IPMK: variants seen among roughly 807,000 people sequenced by gnomAD.
The protein encoded by IPMK is inositol polyphosphate multikinase.
A neutral mutation model predicts 45.8 loss-of-function variants in IPMK; 17 were observed. The ratio of observed to expected loss-of-function variants is 0.37; its 90% CI spans 0.25 to 0.56. IPMK has a LOEUF of 0.56. Ranked by LOEUF, IPMK falls within the 20% of genes least tolerant of loss-of-function variation. The pLI is 0.79. For synonymous variants in IPMK, 180 were observed against 184.3 expected (o/e 0.98, Z 0.19); for missense variants, 399 against 498.0 (o/e 0.80, Z 1.89).
At chr10:58,255,013 G>A (rs936492269) in intron 1 of IPMK, among the ~76,000 whole-genome samples, 1 of 152,214 alleles carries the variant, frequency 6.6e-6, no homozygotes, top group Non-Finnish European at 1.5e-5. Flanking sequence ...GTGGGCACTG[G>A]AACTTAATCA....
At chr10:58,203,471 C>T (rs1219557179) in intron 4 of IPMK, among the ~76,000 whole-genome samples, 2 of 152,180 alleles carry the variant, frequency 1.3e-5, no homozygotes, top group Non-Finnish European at 2.9e-5. Flanking sequence ...TGCATGCCAC[C>T]ATGTCTGGCT....
chr10:58,227,668 TTA>T (rs1450635717), intron 2 of IPMK, among the ~76,000 whole-genome samples: 2 of 152,196 alleles, frequency 1.3e-5, no homozygotes, highest in African/African-American at 2.4e-5. Flanking sequence ...ATTTTTGCTT[TTA>T]TCTTTTTTAA....
rs1224611039 is a variant in IPMK at position 58,253,754 on chromosome 10, A to AG, written c.190+13667_190+13668insC. 4.9e-4 allele frequency among the ~76,000 whole-genome samples: 71 copies of AG among 143,458 alleles called. 4 individuals carry two copies. The highest frequency in any genetic ancestry group is 1.7e-3 in the African/African-American group (62 of 37,364). The allele number at this position is 143,458 out of a possible 152,430, so 94.1% of individuals were successfully genotyped here. A position where few individuals can be genotyped will look rare whatever the true frequency, so the allele number is the denominator to read the frequency against. ...ATCTCCAAAAAAAAAAAAAAAAGAA[A>AG]AAAAAAGAAAAGAAAAAGAAAAATA... is the stretch of plus-strand genomic sequence containing the variant. On this transcript the variant is annotated intron_variant, in intron 1 of 5. Transcript: ENST00000373935.
chr10:58,267,876 C>T lies in IPMK; in HGVS notation c.-265G>A. ...GCCGGCCCCGGCGCTGCCCGGTAGA[C>T]AGAACCGAGCCGAAGAACAGCAGCA... On this transcript the variant is annotated 5_prime_UTR_variant, in exon 1 of 6. Coordinates refer to ENST00000373935, the MANE Select transcript of IPMK (RefSeq NM_152230.5). 1 of 389,524 alleles carries T rather than the reference C, an allele frequency of 2.6e-6. No homozygotes were observed. 24.1% of individuals were successfully genotyped at this position (389,524 alleles called of 1,614,324 possible).
At chr10:58,257,262 A>T (rs1838983874) in intron 1 of IPMK, among the ~76,000 whole-genome samples, 1 of 152,172 alleles carries the variant, frequency 6.6e-6, no homozygotes, top group African/African-American at 2.4e-5. Flanking sequence ...TGGGACTCCA[A>T]GGCGGGTTGA....
rs11393849 is a variant in IPMK, at chr10:58,217,688, CAAAAAAAAAAAAA to C, written c.374-1384_374-1372del. Among the ~76,000 whole-genome samples, 4 of 49,266 alleles carry C rather than the reference CAAAAAAAAAAAAA, an allele frequency of 8.1e-5. No individual in the cohort carries two copies. In the East Asian group the frequency reaches 2.1e-3, roughly 26 times the overall value. 32.3% of individuals were successfully genotyped at this position (49,266 alleles called of 152,430 possible). A position where few individuals can be genotyped will look rare whatever the true frequency, so the allele number is the denominator to read the frequency against. On this transcript the variant is annotated intron_variant, in intron 3 of 5. Transcript: ENST00000373935. ...GGGCAACAAGAGCAAAACTCCATCT[CAAAAAAAAAAAAA>C]AAAAAAAAGAATCATCTCAAAGTTC... is the stretch of plus-strand genomic sequence containing the variant.
At chr10:58,255,302 G>C (rs1378655576) in intron 1 of IPMK, among the ~76,000 whole-genome samples, 1 of 152,184 alleles carries the variant, frequency 6.6e-6, no homozygotes, top group African/African-American at 2.4e-5. Context: ...AGCTGGAGTG[G>C]GCTTTCCATG....
intron 1 of IPMK, among the ~76,000 whole-genome samples, chr10:58,251,253 C>T (rs1265200823): frequency 6.6e-6 from 1 of 152,154 alleles, no homozygotes; most frequent in East Asian, 1.9e-4. Flanking sequence ...TGACTCCATT[C>T]ATTGTTCAGG....
rs1491018084 is a variant in IPMK, at chr10:58,242,474, AAG to A, written c.191-4662_191-4661del. ...GACTCCGTCTCAAAAAAAAAAAAAAAAGAAAAGAAAACAAAAGACAAGTGTGT... is the reference window on the plus strand; with the variant it reads ...GACTCCGTCTCAAAAAAAAAAAAAAAAAAAGAAAACAAAAGACAAGTGTGT... On this transcript the variant is annotated intron_variant, in intron 1 of 5. Coordinates refer to ENST00000373935, the MANE Select transcript of IPMK (RefSeq NM_152230.5). Among the ~76,000 whole-genome samples the A allele has an allele frequency of 1.4e-3, 204 of 148,740 alleles. 3 individuals are homozygous for A. The highest frequency in any genetic ancestry group is 3.9e-3 in the African/African-American group (156 of 40,252).
chr10:58,250,085 C>T (rs979556279), intron 1 of IPMK, among the ~76,000 whole-genome samples: 3 of 152,140 alleles, frequency 2.0e-5, no homozygotes, highest in African/African-American at 7.2e-5. Context: ...TTGGATATTA[C>T]AGCTATGTGG....
chr10:58,195,753 G>A lies in IPMK; in HGVS notation c.*323C>T, dbSNP rs1837882478. The A allele has an allele frequency of 4.8e-6, 1 of 206,568 alleles. No homozygotes were observed. Among genetic ancestry groups the A allele is most frequent in the African/African-American group, 2.3e-5 (1 of 42,764 alleles). 12.8% of individuals were successfully genotyped at this position (206,568 alleles called of 1,614,324 possible). On this transcript the variant is annotated 3_prime_UTR_variant, in exon 6 of 6. Transcript: ENST00000373935. ...TGGGTGGACAGAGATTTCATGAATTGGCTACAGAAAGCTAACTAAACTCTT... is the reference window on the plus strand; with the variant it reads ...TGGGTGGACAGAGATTTCATGAATTAGCTACAGAAAGCTAACTAAACTCTT...
rs191990383 is a variant in IPMK, at chr10:58,192,737, C to G, written c.*3339G>C. ...AACTAAGAAGCCTGGCCTCCAAAGG[C>G]AACCCTACTTGTTTTTCCAAAGCAT... On this transcript the variant is annotated 3_prime_UTR_variant, in exon 6 of 6. Coordinates refer to ENST00000373935, the MANE Select transcript of IPMK (RefSeq NM_152230.5). 4.6e-5 allele frequency: 7 copies of G among 152,110 alleles called. No individual in the cohort carries two copies. The highest frequency in any genetic ancestry group is 1.4e-4 in the African/African-American group (6 of 41,552). 9.4% of individuals were successfully genotyped at this position (152,110 alleles called of 1,614,324 possible).
intron 1 of IPMK, among the ~76,000 whole-genome samples, chr10:58,250,775 C>T (rs1257253567): frequency 6.6e-6 from 1 of 152,146 alleles, no homozygotes; most frequent in Non-Finnish European, 1.5e-5. Context: ...AGAAGGGCTT[C>T]ACTTTTTCCC....
At chr10:58,203,974 G>A (rs1194953052) in intron 4 of IPMK, among the ~76,000 whole-genome samples, 3 of 152,192 alleles carry the variant, frequency 2.0e-5, no homozygotes, top group African/African-American at 7.2e-5. Context: ...GCCTCTACTA[G>A]CAAAAGGAAA....
intron 1 of IPMK, among the ~76,000 whole-genome samples, chr10:58,252,606 CTTTT>C (rs1838899745): frequency 7.9e-6 from 1 of 126,438 alleles, no homozygotes; most frequent in Admixed American, 7.9e-5. Context: ...CAAGAGTTTT[CTTTT>C]CTTTTTTTTT....
intron 2 of IPMK, among the ~76,000 whole-genome samples, chr10:58,234,611 A>T (rs1838579709): frequency 2.0e-5 from 3 of 152,236 alleles, no homozygotes; most frequent in African/African-American, 7.2e-5. Context: ...CTGGCTAGCC[A>T]TATGGAGAAA....
At chr10:58,260,408 G>A (rs1483874485) in intron 1 of IPMK, among the ~76,000 whole-genome samples, 2 of 152,160 alleles carry the variant, frequency 1.3e-5, no homozygotes, top group African/African-American at 4.8e-5. Flanking sequence ...TAAATACTCT[G>A]AATTTTGTAA....
At position 58,191,679 on chromosome 10, in the gene IPMK, A is replaced by G. The variant is rs1450280689; in HGVS notation, c.*4397T>C. ...TGCAGTCCAAGTATACCCCCACAATAGTACAAATTACAAACACATTTAAAA... is the reference window on the plus strand; with the variant it reads ...TGCAGTCCAAGTATACCCCCACAATGGTACAAATTACAAACACATTTAAAA... On this transcript the variant is annotated 3_prime_UTR_variant, in exon 6 of 6. Coordinates refer to ENST00000373935, the MANE Select transcript of IPMK (RefSeq NM_152230.5). 1 of 148,828 alleles carries G rather than the reference A, an allele frequency of 6.7e-6. No homozygotes were observed. Among genetic ancestry groups the G allele is most frequent in the East Asian group, 2.0e-4 (1 of 5,106 alleles). The allele number at this position is 148,828 out of a possible 1,614,324, so 9.2% of individuals were successfully genotyped here.
chr10:58,244,754 G>C (rs536760970), intron 1 of IPMK, among the ~76,000 whole-genome samples: 2 of 152,210 alleles, frequency 1.3e-5, no homozygotes, highest in East Asian at 3.9e-4. Context: ...CCAACCCCCT[G>C]CTCTCTGAAA....
Sources: allele counts gnomAD v4.1 joint callset (sites outside exome capture counted in the v4.1 genomes callset), GRCh38; gene constraint gnomAD v4.1.1; transcripts MANE v1.5; gene names NCBI Gene and HGNC (gene_info 2026-07-23, HGNC 2026-07-21).